The following FOXN3 variants were observed in gnomAD, a reference collection of about 807,000 sequenced individuals.
FOXN3 encodes the protein forkhead box N3, also known as forkhead box protein N3.
FOXN3 carries 7 observed loss-of-function variants against 38.4 expected under a neutral mutation model. The ratio of observed to expected loss-of-function variants is 0.18; its 90% CI spans 0.10 to 0.34. FOXN3 has a LOEUF of 0.34. Ranked by LOEUF, FOXN3 falls within the 10% of genes least tolerant of loss-of-function variation. FOXN3 has a pLI of 1.00. For missense variants in FOXN3, 456 were observed against 613.4 expected (o/e 0.74, Z 2.71); for synonymous variants, 230 against 242.2 (o/e 0.95, Z 0.47).
chr14:89,285,108 C>T (rs1328686925), intron 3 of FOXN3, among the ~76,000 whole-genome samples: 2 of 152,174 alleles, frequency 1.3e-5, no homozygotes, highest in Non-Finnish European at 1.5e-5. Flanking sequence ...TGGAAGGTTC[C>T]GCCAAGACAC....
intron 1 of FOXN3, among the ~76,000 whole-genome samples, chr14:89,482,735 C>T (rs982532688): frequency 6.7e-6 from 1 of 148,716 alleles, no homozygotes; most frequent in Middle Eastern, 3.6e-3. Context: ...ATGGTGAAAC[C>T]CTGTCTCTAC....
intron 1 of FOXN3, among the ~76,000 whole-genome samples, chr14:89,482,570 C>T (rs779119900): frequency 3.3e-5 from 5 of 151,706 alleles, no homozygotes; most frequent in South Asian, 2.1e-4. Context: ...GCCATGATCA[C>T]GCCACTGCAC....
intron 1 of FOXN3, among the ~76,000 whole-genome samples, chr14:89,618,243 T>G (rs1232868959): frequency 6.6e-6 from 1 of 152,052 alleles, no homozygotes; most frequent in Non-Finnish European, 1.5e-5. Context: ...CCCAACCAAT[T>G]GAAACTAATA....
chr14:89,440,554 A>C (rs1892360919), intron 1 of FOXN3, among the ~76,000 whole-genome samples: 1 of 152,200 alleles, frequency 6.6e-6, no homozygotes, highest in Non-Finnish European at 1.5e-5. Flanking sequence ...TTACCTTGTG[A>C]AAGTCCTTTT....
intron 4 of FOXN3, among the ~76,000 whole-genome samples, chr14:89,201,692 T>C: frequency 6.6e-6 from 1 of 152,198 alleles, no homozygotes; most frequent in Non-Finnish European, 1.5e-5. Context: ...TGCATCTTTC[T>C]TGAGTCTGTT....
intron 3 of FOXN3, among the ~76,000 whole-genome samples, chr14:89,298,855 A>C (rs920212001): frequency 6.6e-6 from 1 of 152,256 alleles, no homozygotes; most frequent in African/African-American, 2.4e-5. Context: ...TACTACACCA[A>C]GAATAAAACC....
At position 89,391,644 on chromosome 14, in the gene FOXN3, G is replaced by T. The variant is rs562470643; in HGVS notation, c.543+20290C>A. Reference sequence around the variant, plus strand: ...CCAAGTGCATGAAAAATAAGCGACAGTCCCCAAATACAGCCTGGTTGGTTG... The same window carrying T: ...CCAAGTGCATGAAAAATAAGCGACATTCCCCAAATACAGCCTGGTTGGTTG... On this transcript the variant is annotated intron_variant, in intron 2 of 5. Transcript: ENST00000557258. 9.2e-5 allele frequency among the ~76,000 whole-genome samples: 14 copies of T among 152,276 alleles called. No homozygotes were observed. The South Asian group carries it at 2.9e-3, about 32-fold the overall frequency.
intron 3 of FOXN3, chr14:89,291,397 G>T: frequency 3.3e-6 from 2 of 604,000 alleles, no homozygotes; most frequent in Non-Finnish European, 6.5e-6. Context: ...CACCAGCAAG[G>T]ATGCTACTGT....
rs1158510419 is a variant in FOXN3 at position 89,531,044 on chromosome 14, TTATTATATATACACATATA to T, written c.-15+87965_-15+87983del. ...CTACACATATATAATATATACACAT[TTATTATATATACACATATA>T]TATTATATATACACACACATATATA... On this transcript the variant is annotated intron_variant, in intron 1 of 6. Coordinates refer to the FOXN3 transcript ENST00000345097. Among the ~76,000 whole-genome samples, 6 of 147,626 alleles carry T rather than the reference TTATTATATATACACATATA, an allele frequency of 4.1e-5. No homozygotes were observed. The East Asian group carries it at 9.7e-4, about 24-fold the overall frequency.
chr14:89,578,757 A>C (rs1260203869), intron 1 of FOXN3, among the ~76,000 whole-genome samples: 8 of 152,068 alleles, frequency 5.3e-5, no homozygotes, highest in Non-Finnish European at 8.8e-5. Context: ...TCCTCACTCT[A>C]ACCAAAGCCC....
intron 1 of FOXN3, among the ~76,000 whole-genome samples, chr14:89,579,169 T>C (rs1369574877): frequency 4.5e-5 from 3 of 66,692 alleles, no homozygotes; most frequent in African/African-American, 6.3e-5. Flanking sequence ...TTTTTTTTTT[T>C]AGACAAGGTC....
chr14:89,183,036 A>T (rs1887713360), intron 4 of FOXN3, among the ~76,000 whole-genome samples: 1 of 152,252 alleles, frequency 6.6e-6, no homozygotes, highest in South Asian at 2.1e-4. Flanking sequence ...AAAAATAGCA[A>T]TAATTCTCAA....
intron 3 of FOXN3, among the ~76,000 whole-genome samples, chr14:89,297,491 C>T (rs1334945346): frequency 1.3e-5 from 2 of 149,366 alleles, no homozygotes; most frequent in Non-Finnish European, 3.0e-5. Context: ...AACTGGGAGG[C>T]GGAGCTTGCA....
intron 2 of FOXN3, among the ~76,000 whole-genome samples, chr14:89,394,201 G>A (rs938920517): frequency 1.3e-5 from 2 of 150,930 alleles, no homozygotes; most frequent in Non-Finnish European, 2.9e-5. Context: ...ACCACAATGG[G>A]GATCGACGTT....
intron 1 of FOXN3, among the ~76,000 whole-genome samples, chr14:89,487,361 G>A (rs1893469987): frequency 6.6e-6 from 1 of 152,172 alleles, no homozygotes; most frequent in Admixed American, 6.5e-5. Flanking sequence ...GAGAATGTTA[G>A]GAGTATATTA....
intron 1 of FOXN3, among the ~76,000 whole-genome samples, chr14:89,459,532 G>C (rs185838301): frequency 1.3e-5 from 2 of 152,302 alleles, no homozygotes; most frequent in African/African-American, 2.4e-5. Context: ...GTGGACTGGA[G>C]CCGAGATTAG....
At position 89,228,079 on chromosome 14, in the gene FOXN3, T is replaced by C. The variant is rs150016373; in HGVS notation, c.746-47273A>G. The stretch of plus-strand genomic sequence containing the variant: ...TCACTGGTGGCAGCCTGGGGAGACA[T>C]TAAGCAGAGGACCCTGCAAAGCTGC... On this transcript the variant is annotated intron_variant, in intron 4 of 5. Transcript: ENST00000557258. 1.6e-4 allele frequency among the ~76,000 whole-genome samples: 24 copies of C among 152,310 alleles called. 1 individual carries two copies. In the East Asian group the frequency reaches 4.6e-3, roughly 29 times the overall value.
In FOXN3 at chr14:89,447,898, A is replaced by G. The variant is rs547537533; in HGVS notation, c.-14-35408T>C. Among the ~76,000 whole-genome samples, 122 of 133,282 alleles carry G rather than the reference A, an allele frequency of 9.2e-4. 1 individual carries two copies. The highest frequency in any genetic ancestry group is 3.3e-3 in the African/African-American group (117 of 35,066). The allele number at this position is 133,282 out of a possible 152,430, so 87.4% of individuals were successfully genotyped here. The stretch of plus-strand genomic sequence containing the variant: ...AATGGCACCATCTCGGCTCACTGCA[A>G]CCTCCGCCTCCCAGGTTCAATCGAT... On this transcript the variant is annotated intron_variant, in intron 1 of 6. Transcript: ENST00000345097.
chr14:89,168,183 C>G (rs536698447), intron 5 of FOXN3, among the ~76,000 whole-genome samples: 5 of 152,008 alleles, frequency 3.3e-5, no homozygotes, highest in African/African-American at 1.2e-4. Context: ...AGAATCTGAA[C>G]GGCAAAGACT....
Sources: gnomAD v4.1 joint callset for allele counts (sites outside exome capture counted in the v4.1 genomes callset) on GRCh38, gnomAD v4.1.1 for gene constraint, MANE v1.5 for transcripts, NCBI Gene and HGNC (gene_info 2026-07-23, HGNC 2026-07-21) for gene names.